SLC9A9: variants seen among roughly 807,000 people sequenced by gnomAD.
The protein encoded by SLC9A9 is sodium/hydrogen exchanger 9.
Under a neutral mutation model 77.8 loss-of-function variants are expected in SLC9A9, and 62 were observed. The ratio of observed to expected loss-of-function variants is 0.80; its 90% confidence interval spans 0.65 to 0.98. The LOEUF (loss-of-function observed/expected upper bound fraction) is 0.98, where lower values mean the gene tolerates loss of function less well. Ranked by LOEUF, SLC9A9 falls within the 50% of genes least tolerant of loss-of-function variation. The pLI, the probability that SLC9A9 is intolerant of heterozygous loss-of-function variation, is 0.00. For synonymous variants in SLC9A9, 320 were observed against 283.5 expected, an observed-to-expected ratio of 1.13 and a Z score of -1.29; for missense variants, 775 against 774.9, an observed-to-expected ratio of 1.00 and a Z score of 0.00.
intron 2 of SLC9A9, among the ~76,000 whole-genome samples, chr3:143,807,687 G>A (rs1194343870): frequency 6.6e-6 from 1 of 152,222 alleles, no homozygotes; most frequent in Non-Finnish European, 1.5e-5. Flanking sequence ...GGAGGTTGCA[G>A]TAAGCCGAGA....
intron 6 of SLC9A9, among the ~76,000 whole-genome samples, chr3:143,606,810 G>A (rs1298956246): frequency 6.6e-6 from 1 of 151,728 alleles, no homozygotes; most frequent in Non-Finnish European, 1.5e-5. Context: ...AATGTTAATG[G>A]GCATGCAGAA....
intron 14 of SLC9A9, among the ~76,000 whole-genome samples, chr3:143,315,836 C>T (rs1223489487): frequency 6.6e-6 from 1 of 152,172 alleles, no homozygotes; most frequent in Non-Finnish European, 1.5e-5. Flanking sequence ...GGAATGGTGG[C>T]ACGAACACAA....
At chr3:143,324,936 C>A (rs538001609) in intron 14 of SLC9A9, among the ~76,000 whole-genome samples, 2 of 152,292 alleles carry the variant, frequency 1.3e-5, no homozygotes, top group South Asian at 4.1e-4. Flanking sequence ...TCAGCTTAAT[C>A]TTTTAAAAAT....
At chr3:143,366,150 C>T (rs1051038830) in intron 13 of SLC9A9, among the ~76,000 whole-genome samples, 1 of 152,208 alleles carries the variant, frequency 6.6e-6, no homozygotes, top group Non-Finnish European at 1.5e-5. Flanking sequence ...GGGATTCTGG[C>T]AGCCAGTCTG....
At chr3:143,480,099 C>G (rs947399223) in intron 11 of SLC9A9, among the ~76,000 whole-genome samples, 1 of 152,316 alleles carries the variant, frequency 6.6e-6, no homozygotes, top group East Asian at 1.9e-4. Context: ...TTTAATCACA[C>G]AGTTCCAGGT....
chr3:143,330,140 A>G (rs1438251769), intron 14 of SLC9A9, among the ~76,000 whole-genome samples: 2 of 152,238 alleles, frequency 1.3e-5, no homozygotes, highest in African/African-American at 4.8e-5. Flanking sequence ...ACTGCCGGCC[A>G]GAGCAATCGG....
intron 5 of SLC9A9, among the ~76,000 whole-genome samples, chr3:143,683,318 C>A (rs910922613): frequency 1.3e-5 from 2 of 152,236 alleles, no homozygotes; most frequent in South Asian, 2.1e-4. Context: ...CTGAAGCTAA[C>A]TTTCACTTAC....
rs1204472926 is a variant in SLC9A9, at chr3:143,844,766, TTTCTTTCTTTC to T, written c.175+3371_175+3381del. 2.0e-5 allele frequency among the ~76,000 whole-genome samples: 3 copies of T among 148,514 alleles called. No homozygotes were observed. The East Asian group carries it at 5.9e-4, about 29-fold the overall frequency. On this transcript the variant is annotated intron_variant, in intron 1 of 15. Transcript: ENST00000316549. ...CTTTCTTTCTTTCTTTCTTTCTTTC[TTTCTTTCTTTC>T]TTTCTTTCTTTCTGACACAGTCTCA...
At chr3:143,315,267 A>G (rs1438521524) in intron 14 of SLC9A9, among the ~76,000 whole-genome samples, 2 of 152,238 alleles carry the variant, frequency 1.3e-5, no homozygotes, top group Non-Finnish European at 2.9e-5. Context: ...TATTCCCATT[A>G]TACTGGACAC....
chr3:143,537,772 C>A (rs1441617201), intron 9 of SLC9A9, among the ~76,000 whole-genome samples: 1 of 152,140 alleles, frequency 6.6e-6, no homozygotes, highest in Non-Finnish European at 1.5e-5. Context: ...CCATTTAGTG[C>A]CTCCCTTTCT....
At chr3:143,625,760 C>T (rs941646987) in intron 6 of SLC9A9, among the ~76,000 whole-genome samples, 2 of 152,126 alleles carry the variant, frequency 1.3e-5, no homozygotes, top group Admixed American at 6.6e-5. Flanking sequence ...CCAAAATTGA[C>T]AAATGGGATC....
intron 1 of SLC9A9, among the ~76,000 whole-genome samples, chr3:143,840,295 T>C (rs1391171167): frequency 3.3e-5 from 5 of 152,044 alleles, no homozygotes; most frequent in Non-Finnish European, 5.9e-5. Flanking sequence ...ACCCATACCA[T>C]CTTGGGCTCA....
At chr3:143,273,278 C>G (rs554248185) in intron 14 of SLC9A9, among the ~76,000 whole-genome samples, 10 of 152,292 alleles carry the variant, frequency 6.6e-5, no homozygotes, top group Admixed American at 3.3e-4. Flanking sequence ...TGTCTGCATC[C>G]CCCCACCCTC....
chr3:143,631,413 T>A, intron 6 of SLC9A9, among the ~76,000 whole-genome samples: 1 of 152,150 alleles, frequency 6.6e-6, no homozygotes, highest in Non-Finnish European at 1.5e-5. Context: ...ATAGTTTTAC[T>A]TTTTCTATTA....
intron 12 of SLC9A9, among the ~76,000 whole-genome samples, chr3:143,455,217 CA>C (rs2035069795): frequency 6.6e-6 from 1 of 152,152 alleles, no homozygotes; most frequent in Non-Finnish European, 1.5e-5. Flanking sequence ...TTACAAAAAT[CA>C]ATACGCCATA....
chr3:143,475,531 G>A (rs924081661), intron 11 of SLC9A9, among the ~76,000 whole-genome samples: 1 of 151,744 alleles, frequency 6.6e-6, no homozygotes, highest in African/African-American at 2.4e-5. Flanking sequence ...AGTGGCTCAT[G>A]CCTGTAATCC....
chr3:143,738,179 C>A (rs1362948544), intron 4 of SLC9A9, among the ~76,000 whole-genome samples: 1 of 152,194 alleles, frequency 6.6e-6, no homozygotes, highest in Non-Finnish European at 1.5e-5. Flanking sequence ...AGAAGCCATT[C>A]TTCCTTCTGC....
intron 12 of SLC9A9, among the ~76,000 whole-genome samples, chr3:143,418,489 A>G (rs1177523837): frequency 6.6e-6 from 1 of 152,074 alleles, no homozygotes; most frequent in Non-Finnish European, 1.5e-5. Context: ...CTTGATTGTA[A>G]CAGGAGAAGG....
chr3:143,748,858 C>T (rs530308452), intron 4 of SLC9A9, among the ~76,000 whole-genome samples: 2 of 151,510 alleles, frequency 1.3e-5, no homozygotes, highest in South Asian at 2.1e-4. Context: ...CGCCCGCCAC[C>T]GCGCCCGGCT....
Sources: gnomAD v4.1 joint callset for allele counts (sites outside exome capture counted in the v4.1 genomes callset) on GRCh38, gnomAD v4.1.1 for gene constraint, MANE v1.5 for transcripts, NCBI Gene and HGNC (gene_info 2026-07-23, HGNC 2026-07-21) for gene names.